FLOT1: variants seen among roughly 807,000 people sequenced by gnomAD.
FLOT1 encodes flotillin 1, also known as flotillin-1.
A neutral mutation model predicts 58.4 loss-of-function variants in FLOT1; 40 were observed. The ratio of observed to expected loss-of-function variants is 0.69; its 90% CI spans 0.53 to 0.89. The LOEUF (loss-of-function observed/expected upper bound fraction) is 0.89, where lower values mean the gene tolerates loss of function less well. Among genes scored for constraint, FLOT1 ranks in the 40% least tolerant of loss-of-function variants. The probability of loss-of-function intolerance (pLI) is 0.00; values close to 1 mark genes in which losing one functional copy is unlikely to be tolerated. For synonymous variants in FLOT1, 178 were observed against 204.2 expected (o/e 0.87, Z 1.09); for missense variants, 423 against 540.8 (o/e 0.78, Z 2.16).
chr6:30,730,710 T>C lies in FLOT1; in HGVS notation c.923A>G (p.Gln308Arg). 6.2e-7 allele frequency: 1 copy of C among 1,613,342 alleles called. No individual in the cohort carries two copies. Among genetic ancestry groups the C allele is most frequent in the Non-Finnish European group, 8.5e-7 (1 of 1,180,046 alleles). ...CACAGACGCGGCTTCTGCCTCCGCC[T>C]GCATAATTAGTTGGGACCTGTGGAC... Reference protein sequence around the residue: ...AEAEKSQLIMQAEAEAASVRM... With the variant: ...AEAEKSQLIMRAEAEAASVRM... The change falls in exon 10 of 13, where the codon CAG becomes CGG. Residue 308 changes from glutamine (Q) to arginine (R), a missense_variant. By Grantham distance (43) the Gln-to-Arg change is conservative (BLOSUM62 1). Coordinates refer to ENST00000376389, the MANE Select transcript of FLOT1 (RefSeq NM_005803.4).
At chr6:30,733,335 C>T (rs1245594358) in intron 8 of FLOT1, among the ~76,000 whole-genome samples, 1 of 152,210 alleles carries the variant, frequency 6.6e-6, no homozygotes, top group Non-Finnish European at 1.5e-5. Context: ...TGCACCCGGC[C>T]TCTACCCTTC....
intron 5 of FLOT1, 58 bp from the exon 6 acceptor site, chr6:30,740,856 T>TTTG: frequency 1.3e-6 from 2 of 1,519,778 alleles, no homozygotes; most frequent in African/African-American, 1.4e-5. Context: ...TTTTTTTTTT[T>TTTG]GCTCACTGCA....
intron 8 of FLOT1, 25 bp downstream of exon 8, chr6:30,740,133 A>G: frequency 6.2e-7 from 1 of 1,611,140 alleles, no homozygotes; most frequent in South Asian, 1.1e-5. Context: ...GAAGGGGCAG[A>G]GAGTGGCCTG....
At chr6:30,734,455 C>T (rs925395796) in intron 8 of FLOT1, among the ~76,000 whole-genome samples, 1 of 151,282 alleles carries the variant, frequency 6.6e-6, no homozygotes, top group East Asian at 2.0e-4. Context: ...ACTGCAGGCG[C>T]GTACCACCAC....
At chr6:30,735,125 G>GA (rs1420603665) in intron 8 of FLOT1, among the ~76,000 whole-genome samples, 1 of 151,438 alleles carries the variant, frequency 6.6e-6, no homozygotes, top group Non-Finnish European at 1.5e-5. Context: ...GCAGTCTTCT[G>GA]ATCTCTTTTT....
At chr6:30,731,337 T>A (rs1381485510) in intron 8 of FLOT1, among the ~76,000 whole-genome samples, 1 of 151,828 alleles carries the variant, frequency 6.6e-6, no homozygotes, top group Non-Finnish European at 1.5e-5. Context: ...TACAAAAAAT[T>A]AGCCAGGTGT....
chr6:30,729,765 T>C (rs1046323460), intron 12 of FLOT1, among the ~76,000 whole-genome samples: 2 of 152,218 alleles, frequency 1.3e-5, no homozygotes, highest in Non-Finnish European at 2.9e-5. Flanking sequence ...TGGATTTCAC[T>C]CCAGCTGCAC....
chr6:30,739,320 C>T (rs915603783), intron 8 of FLOT1, among the ~76,000 whole-genome samples: 1 of 152,094 alleles, frequency 6.6e-6, no homozygotes, highest in Non-Finnish European at 1.5e-5. Context: ...ACAGCCTGCT[C>T]CAAACATATG....
chr6:30,734,799 A>C (rs1777449728), intron 8 of FLOT1, among the ~76,000 whole-genome samples: 1 of 151,822 alleles, frequency 6.6e-6, no homozygotes, highest in Non-Finnish European at 1.5e-5. Flanking sequence ...AGCTCACTGC[A>C]ACCTCTGCCT....
chr6:30,733,977 G>A (rs1349324520), intron 8 of FLOT1, among the ~76,000 whole-genome samples: 2 of 149,316 alleles, frequency 1.3e-5, no homozygotes, highest in Non-Finnish European at 3.0e-5. Flanking sequence ...ACTTGAGCCT[G>A]GGAGGTTGAG....
At position 30,733,740 on chromosome 6, in the gene FLOT1, C is replaced by CAAA. The variant is rs35048121; in HGVS notation, c.724-2643_724-2641dup. On this transcript the variant is annotated intron_variant, in intron 8 of 12. Coordinates refer to ENST00000376389, the MANE Select transcript of FLOT1 (RefSeq NM_005803.4). ...GGGTGACAAGAGCAAAAATCCATCT[C>CAAA]AAAAAAAAAAAAAAAGAAAAGAAAG... 1.8e-3 allele frequency among the ~76,000 whole-genome samples: 112 copies of CAAA among 63,038 alleles called. 1 individual carries two copies. The highest frequency in any genetic ancestry group is 3.1e-3 in the East Asian group (6 of 1,960). The allele number at this position is 63,038 out of a possible 152,430, so 41.4% of individuals were successfully genotyped here.
intron 8 of FLOT1, among the ~76,000 whole-genome samples, chr6:30,731,755 TGG>T (rs1444669945): frequency 2.0e-5 from 3 of 152,176 alleles, no homozygotes; most frequent in African/African-American, 4.8e-5. Flanking sequence ...TTATTTTTTG[TGG>T]GGGTGGGGAC....
At chr6:30,730,881 G>T in intron 9 of FLOT1, 38 bp downstream of exon 9, 1 of 1,601,156 alleles carries the variant, frequency 6.2e-7, no homozygotes, top group Non-Finnish European at 8.5e-7. Flanking sequence ...TGCCTAGGTG[G>T]CAAGTGAGCT....
In FLOT1 at chr6:30,737,246, G is replaced by GTCCATCCA. The variant is rs1214356628; in HGVS notation, c.723+2911_723+2912insTGGATGGA. 3.7e-3 allele frequency among the ~76,000 whole-genome samples: 534 copies of GTCCATCCA among 145,376 alleles called. 6 individuals carry two copies. Among genetic ancestry groups the GTCCATCCA allele is most frequent in the African/African-American group, 0.013 (493 of 38,976 alleles). On this transcript the variant is annotated intron_variant, in intron 8 of 12. Coordinates refer to ENST00000376389, the MANE Select transcript of FLOT1 (RefSeq NM_005803.4). This position sits in a 1 kb window ranked among gnomAD's most constrained non-coding sequence, Gnocchi z 4.4. ...CGTCCGTCCGTCCGTCCGTCCGTCC[G>GTCCATCCA]TCCATCCGTCCATCCATCCATCCAT...
rs1777949751 is a variant in FLOT1 at position 30,741,150 on chromosome 6, T to C, written c.354+40A>G. The C allele has an allele frequency of 6.2e-7, 1 of 1,609,088 alleles. No individual in the cohort carries two copies. Among genetic ancestry groups the C allele is most frequent in the South Asian group, 1.1e-5 (1 of 90,996 alleles). ...AGTGTGGGCCTTGGGCCCCCCTCATTTTGACATCCTTCCAGATGGTTCCCT... is the reference window on the plus strand; with the variant it reads ...AGTGTGGGCCTTGGGCCCCCCTCATCTTGACATCCTTCCAGATGGTTCCCT... On this transcript the variant is annotated intron_variant, in intron 5 of 12. Coordinates refer to ENST00000376389, the MANE Select transcript of FLOT1 (RefSeq NM_005803.4). The surrounding 1 kb of genome is among the most constrained non-coding windows in gnomAD (Gnocchi z 5.9).
intron 8 of FLOT1, chr6:30,736,306 A>C (rs1451438523): frequency 6.6e-6 from 1 of 151,952 alleles, no homozygotes; most frequent in Non-Finnish European, 1.5e-5. Context: ...GGAAGAAAGA[A>C]AGACTAATCA....
intron 11 of FLOT1, 75 bp downstream of exon 11, chr6:30,730,353 A>T: frequency 4.6e-6 from 7 of 1,523,602 alleles, no homozygotes; most frequent in Non-Finnish European, 6.2e-6. Context: ...TTTCTCCCTA[A>T]GCCCCTCACT....
At chr6:30,739,495 A>G (rs139432921) in intron 8 of FLOT1, among the ~76,000 whole-genome samples, 11,300 of 151,600 alleles carry the variant, frequency 0.075, 685 homozygotes, top group African/African-American at 0.16. Context: ...TCAGCCTCCC[A>G]AGTAGCTGGG....
chr6:30,734,949 G>T lies in FLOT1; in HGVS notation c.724-3849C>A, dbSNP rs773197529. Among the ~76,000 whole-genome samples the T allele has an allele frequency of 1.6e-3, 241 of 152,266 alleles. 2 individuals carry two copies. The highest frequency in any genetic ancestry group is 1.9e-3 in the Non-Finnish European group (127 of 68,014). Reference sequence around the variant, plus strand: ...CTGGTTTCAAACTCCTTTGTCATCTGCTCAGAGGGAAGAAGGTCTCAACAC... The same window carrying T: ...CTGGTTTCAAACTCCTTTGTCATCTTCTCAGAGGGAAGAAGGTCTCAACAC... On this transcript the variant is annotated intron_variant, in intron 8 of 12. Coordinates refer to ENST00000376389, the MANE Select transcript of FLOT1 (RefSeq NM_005803.4).
Sources: allele counts gnomAD v4.1 joint callset (sites outside exome capture counted in the v4.1 genomes callset), GRCh38; gene constraint gnomAD v4.1.1; non-coding constraint Gnocchi (gnomAD v3.1); transcripts MANE v1.5; gene names NCBI Gene and HGNC (gene_info 2026-07-23, HGNC 2026-07-21).